Variants in RPTOR observed in about 807,000 individuals in gnomAD.
RPTOR encodes the protein regulatory-associated protein of mTOR.
In RPTOR, 21 loss-of-function variants were observed where a neutral mutation model predicts 169.9. The observed-to-expected ratio is 0.12, with a 90% CI of 0.09 to 0.18. The LOEUF (loss-of-function observed/expected upper bound fraction) is 0.18, where lower values mean the gene tolerates loss of function less well. RPTOR is among the 10% of genes least tolerant of loss of function. The probability of loss-of-function intolerance (pLI) is 1.00; values close to 1 mark genes in which losing one functional copy is unlikely to be tolerated. For missense variants in RPTOR, 1,133 were observed against 1,855.9 expected, an observed-to-expected ratio of 0.61 and a Z score of 7.16; for synonymous variants, 732 against 753.2, an observed-to-expected ratio of 0.97 and a Z score of 0.46.
rs944095763 is a variant in RPTOR, at chr17:80,708,396, A to C, written c.507+397A>C. 6.6e-6 allele frequency among the ~76,000 whole-genome samples: 1 copy of C among 152,246 alleles called. No homozygotes were observed. Among genetic ancestry groups the C allele is most frequent in the Non-Finnish European group, 1.5e-5 (1 of 68,042 alleles). On this transcript the variant is annotated intron_variant, in intron 4 of 33. Transcript: ENST00000306801. The surrounding 1 kb of genome is among the most constrained non-coding windows in gnomAD (Gnocchi z 4.2). ...GAAAATAAAGTGTTTTATATATTCT[A>C]AAGGGCTAATTCCAAGCTGCCCTGC...
rs1288516995 is a variant in RPTOR, at chr17:80,959,919, G to A, written c.3478-159G>A. 6.6e-6 allele frequency among the ~76,000 whole-genome samples: 1 copy of A among 151,792 alleles called. No homozygotes were observed. Among genetic ancestry groups the A allele is most frequent in the African/African-American group, 2.4e-5 (1 of 41,314 alleles). Reference sequence around the variant, plus strand: ...TCCCTGGGACTCCTGGGCTCCCCAGGCCTTTGATGCTTCCCTGGATAGAGA... The same window carrying A: ...TCCCTGGGACTCCTGGGCTCCCCAGACCTTTGATGCTTCCCTGGATAGAGA... On this transcript the variant is annotated intron_variant, in intron 29 of 33. Coordinates refer to ENST00000306801, the MANE Select transcript of RPTOR (RefSeq NM_020761.3). This position sits in a 1 kb window ranked among gnomAD's most constrained non-coding sequence, Gnocchi z 6.7.
chr17:80,923,917 T>G lies in RPTOR; in HGVS notation c.2808+244T>G, dbSNP rs57596664. On this transcript the variant is annotated intron_variant, in intron 23 of 33. Coordinates refer to ENST00000306801, the MANE Select transcript of RPTOR (RefSeq NM_020761.3). ...TGTGTCCCGGTCCCTCTGCCTGCAC[T>G]CTTTAGGAGCACTGCTGGGTGTGTC... 1.8e-3 allele frequency: 968 copies of G among 537,300 alleles called. 5 individuals carry two copies. Among genetic ancestry groups the G allele is most frequent in the African/African-American group, 0.017 (887 of 51,492 alleles). The allele number at this position is 537,300 out of a possible 1,614,324, so 33.3% of individuals were successfully genotyped here.
intron 1 of RPTOR, among the ~76,000 whole-genome samples, chr17:80,551,296 G>A (rs1423198345): frequency 6.6e-6 from 1 of 152,170 alleles, no homozygotes; most frequent in Non-Finnish European, 1.5e-5. Context: ...CAGAGACAAA[G>A]TATAGAGAGA....
rs750295544 is a variant in RPTOR, at chr17:80,925,386, A to G, written c.2825A>G (p.Asp942Gly). The G allele has an allele frequency of 7.9e-5, 127 of 1,613,572 alleles. No homozygotes were observed. The highest frequency in any genetic ancestry group is 9.4e-5 in the Non-Finnish European group (111 of 1,180,016). The change falls in exon 24 of 34, where the codon GAC (aspartate) becomes GGC (glycine). Residue 942 changes from aspartate (D) to glycine (G), a missense_variant. Physicochemically the swap from Asp to Gly is moderately conservative, Grantham distance 94. Coordinates refer to ENST00000306801, the MANE Select transcript of RPTOR (RefSeq NM_020761.3). ...KGPEQTADDA[D>G]DAAGHKSFIS... ...ACCCTGAAGACTGCGGACGACGCGG[A>G]CGATGCTGCTGGACACAAAAGTTTC... is the stretch of plus-strand genomic sequence containing the variant.
chr17:80,758,787 T>C (rs974573149), intron 6 of RPTOR, among the ~76,000 whole-genome samples: 1 of 152,036 alleles, frequency 6.6e-6, no homozygotes, highest in African/African-American at 2.4e-5. Context: ...GGCTCTGGGC[T>C]GGATACTGTA....
intron 13 of RPTOR, among the ~76,000 whole-genome samples, chr17:80,866,204 A>G (rs539113933): frequency 6.7e-6 from 1 of 149,544 alleles, no homozygotes; most frequent in East Asian, 1.9e-4. Context: ...ATGTACATAT[A>G]ATTATAAATA....
intron 3 of RPTOR, among the ~76,000 whole-genome samples, chr17:80,665,331 C>CTCTTT: frequency 9.6e-6 from 1 of 104,196 alleles, no homozygotes; most frequent in African/African-American, 5.0e-5. Flanking sequence ...CTTTTCTTTT[C>CTCTTT]CCTTTCCTTT....
At chr17:80,576,403 A>T (rs1198488973) in intron 1 of RPTOR, among the ~76,000 whole-genome samples, 1 of 152,194 alleles carries the variant, frequency 6.6e-6, no homozygotes, top group African/African-American at 2.4e-5. Context: ...CATGACCTTT[A>T]TTCTTTTCTT....
chr17:80,749,414 G>T (rs1275185446), intron 5 of RPTOR, among the ~76,000 whole-genome samples: 1 of 77,112 alleles, frequency 1.3e-5, no homozygotes, highest in Non-Finnish European at 2.7e-5. Flanking sequence ...AGGACCTGTT[G>T]GGTGGATGGA....
chr17:80,556,524 G>C (rs12936394), intron 1 of RPTOR, among the ~76,000 whole-genome samples: 93,851 of 151,680 alleles, frequency 0.62, 29,803 homozygotes, highest in Middle Eastern at 0.71. Flanking sequence ...AATAAAAACA[G>C]CAAGAAAAGA....
chr17:80,669,328 A>T (rs193234367), intron 3 of RPTOR, among the ~76,000 whole-genome samples: 2 of 152,340 alleles, frequency 1.3e-5, no homozygotes, highest in Non-Finnish European at 2.9e-5. Context: ...CTGCATTAAT[A>T]GCACCAGTGG....
chr17:80,553,854 G>C (rs2143220360), intron 1 of RPTOR, among the ~76,000 whole-genome samples: 1 of 152,076 alleles, frequency 6.6e-6, no homozygotes, highest in East Asian at 1.9e-4. Context: ...CAATTCTCCT[G>C]CCTCAGCCTC....
intron 3 of RPTOR, among the ~76,000 whole-genome samples, chr17:80,697,673 A>G (rs2066048707): frequency 6.6e-6 from 1 of 152,114 alleles, no homozygotes; most frequent in South Asian, 2.1e-4. Context: ...GAGTCATGAG[A>G]GATTAGCCAC....
intron 6 of RPTOR, among the ~76,000 whole-genome samples, chr17:80,755,494 T>TG (rs1022904583): frequency 7.2e-5 from 11 of 151,904 alleles, no homozygotes; most frequent in African/African-American, 2.4e-4. Context: ...CCTAATGCTT[T>TG]GGGAAGGTGA....
intron 5 of RPTOR, among the ~76,000 whole-genome samples, chr17:80,752,981 A>AAC (rs386386760): frequency 3.9e-5 from 2 of 51,782 alleles, no homozygotes; most frequent in Non-Finnish European, 1.1e-4. Flanking sequence ...TTTACGTGAC[A>AAC]AGTCTCATTG....
chr17:80,833,974 G>A (rs772396031), intron 9 of RPTOR, among the ~76,000 whole-genome samples: 7 of 152,274 alleles, frequency 4.6e-5, no homozygotes, highest in Non-Finnish European at 1.0e-4. Flanking sequence ...AGGTGACAGA[G>A]TGAGACTCCG....
At chr17:80,865,785 G>A (rs1286647467) in intron 13 of RPTOR, among the ~76,000 whole-genome samples, 1 of 151,990 alleles carries the variant, frequency 6.6e-6, no homozygotes, top group Non-Finnish European at 1.5e-5. Context: ...GGGGACTTGA[G>A]CAGCACTCTC....
At chr17:80,825,904 G>T (rs2067437353) in intron 9 of RPTOR, among the ~76,000 whole-genome samples, 1 of 152,224 alleles carries the variant, frequency 6.6e-6, no homozygotes, top group Non-Finnish European at 1.5e-5. Flanking sequence ...TGCAGGGTGG[G>T]CTGTCTGGGA....
chr17:80,957,858 G>A lies in RPTOR; in HGVS notation c.3477+128G>A. The stretch of plus-strand genomic sequence containing the variant: ...TCCCAGGGGTGGAGTCAGGGCCTGG[G>A]AGGACAGTGCCGGGACAATGCTGGG... On this transcript the variant is annotated intron_variant, in intron 29 of 33. Coordinates refer to ENST00000306801, the MANE Select transcript of RPTOR (RefSeq NM_020761.3). The surrounding 1 kb of genome is among the most constrained non-coding windows in gnomAD (Gnocchi z 4.6). 3.7e-6 allele frequency: 3 copies of A among 811,136 alleles called. No individual in the cohort carries two copies. Among genetic ancestry groups the A allele is most frequent in the Middle Eastern group, 2.3e-4 (1 of 4,388 alleles). 50.2% of individuals were successfully genotyped at this position (811,136 alleles called of 1,614,324 possible).
Sources: allele counts gnomAD v4.1 joint callset (sites outside exome capture counted in the v4.1 genomes callset), GRCh38; gene constraint gnomAD v4.1.1; non-coding constraint Gnocchi (gnomAD v3.1); transcripts MANE v1.5; gene names NCBI Gene and HGNC (gene_info 2026-07-23, HGNC 2026-07-21).